Variants in STXBP5L observed in about 807,000 individuals in gnomAD.
STXBP5L encodes syntaxin binding protein 5L.
A neutral mutation model predicts 144.5 loss-of-function variants in STXBP5L; 65 were observed. The ratio of observed to expected loss-of-function variants is 0.45; its 90% confidence interval spans 0.37 to 0.55. The LOEUF (loss-of-function observed/expected upper bound fraction) is 0.55, where lower values mean the gene tolerates loss of function less well. STXBP5L is among the 20% of genes least tolerant of loss of function. The pLI, the probability that STXBP5L is intolerant of heterozygous loss-of-function variation, is 0.00. For synonymous variants in STXBP5L, 505 were observed against 469.6 expected (o/e 1.08, Z -0.97); for missense variants, 1,298 against 1,405.5 (o/e 0.92, Z 1.22).
intron 25 of STXBP5L, among the ~76,000 whole-genome samples, chr3:121,417,194 G>C (rs1410634068): frequency 6.6e-6 from 1 of 152,194 alleles, no homozygotes; most frequent in Admixed American, 6.5e-5. Context: ...GACTGCCAAT[G>C]AGCATGGAGT....
intron 22 of STXBP5L, 89 bp from the exon 23 acceptor site, chr3:121,407,148 CTATAGG>C: frequency 7.0e-7 from 1 of 1,424,780 alleles, no homozygotes; most frequent in Non-Finnish European, 9.4e-7. Context: ...TATTATGACT[CTATAGG>C]TATAAATTAT....
intron 5 of STXBP5L, among the ~76,000 whole-genome samples, chr3:121,111,797 C>A (rs1053975503): frequency 6.6e-6 from 1 of 152,180 alleles, no homozygotes; most frequent in African/African-American, 2.4e-5. Context: ...ATCTGCACTT[C>A]CCAGGTTCTG....
intron 20 of STXBP5L, among the ~76,000 whole-genome samples, chr3:121,361,704 C>T (rs1281689876): frequency 2.0e-5 from 3 of 151,526 alleles, no homozygotes; most frequent in African/African-American, 7.3e-5. Flanking sequence ...TATGTTATCT[C>T]GAATTTTTTT....
chr3:121,006,388 TG>T (rs1157172194), intron 3 of STXBP5L, among the ~76,000 whole-genome samples: 1 of 152,146 alleles, frequency 6.6e-6, no homozygotes, highest in East Asian at 1.9e-4. Context: ...TGCCTTTTTT[TG>T]TTTTCCATTT....
At chr3:121,271,636 C>A (rs339009) in intron 18 of STXBP5L, among the ~76,000 whole-genome samples, 74,294 of 151,970 alleles carry the variant, frequency 0.49, 18,611 homozygotes, top group East Asian at 0.73. Context: ...TTTGAAGTAG[C>A]TTATCAATTT....
chr3:120,927,750 A>G (rs1176818552), intron 2 of STXBP5L, among the ~76,000 whole-genome samples: 1 of 152,178 alleles, frequency 6.6e-6, no homozygotes, highest in Non-Finnish European at 1.5e-5. Context: ...ATTTCTGGTA[A>G]TAATCTCAGT....
At chr3:121,261,941 T>C (rs140745136) in intron 18 of STXBP5L, among the ~76,000 whole-genome samples, 2 of 152,296 alleles carry the variant, frequency 1.3e-5, no homozygotes, top group African/African-American at 2.4e-5. Flanking sequence ...GGCTAGAAAG[T>C]CCAAAATCAA....
intron 20 of STXBP5L, among the ~76,000 whole-genome samples, chr3:121,345,584 A>G (rs1306838034): frequency 6.6e-6 from 1 of 152,092 alleles, no homozygotes; most frequent in Non-Finnish European, 1.5e-5. Flanking sequence ...GGATCACCAC[A>G]CTGTCTTCCA....
intron 9 of STXBP5L, among the ~76,000 whole-genome samples, chr3:121,184,372 G>C (rs2047283766): frequency 1.3e-5 from 2 of 151,656 alleles, no homozygotes; most frequent in South Asian, 4.2e-4. Flanking sequence ...GAACATACAT[G>C]GCCTGATGGA....
chr3:121,130,846 A>G (rs2044950638), intron 7 of STXBP5L, among the ~76,000 whole-genome samples: 1 of 152,156 alleles, frequency 6.6e-6, no homozygotes, highest in Non-Finnish European at 1.5e-5. Flanking sequence ...GTGAACATAT[A>G]AACATCAAAA....
rs144078401 is a variant in STXBP5L, at chr3:121,128,777, G to T, written c.669+7073G>T. ...CCTTGTATGATCAGAAAAAAATTAAGAGTAGTTTAATTTTTGACAGTCACC... is the reference window on the plus strand; with the variant it reads ...CCTTGTATGATCAGAAAAAAATTAATAGTAGTTTAATTTTTGACAGTCACC... On this transcript the variant is annotated intron_variant, in intron 7 of 26. Transcript: ENST00000471454. Among the ~76,000 whole-genome samples, 70 of 152,116 alleles carry T rather than the reference G, an allele frequency of 4.6e-4. 1 individual carries two copies. Among genetic ancestry groups the T allele is most frequent in the African/African-American group, 1.5e-3 (64 of 41,536 alleles).
intron 16 of STXBP5L, among the ~76,000 whole-genome samples, chr3:121,256,828 TA>T (rs2050221920): frequency 6.6e-6 from 1 of 151,466 alleles, no homozygotes; most frequent in South Asian, 2.1e-4. Flanking sequence ...TTGTAATATA[TA>T]AATTGTAATT....
At chr3:121,183,722 A>G (rs1412327090) in intron 9 of STXBP5L, among the ~76,000 whole-genome samples, 2 of 152,130 alleles carry the variant, frequency 1.3e-5, no homozygotes, top group Non-Finnish European at 2.9e-5. Context: ...GCAAGGAAAG[A>G]GAAAGTCTCC....
chr3:121,398,165 A>G (rs2046780106), intron 22 of STXBP5L, among the ~76,000 whole-genome samples: 1 of 152,248 alleles, frequency 6.6e-6, no homozygotes, highest in Non-Finnish European at 1.5e-5. Flanking sequence ...AAGTAGATAT[A>G]ACAATTTGAA....
intron 20 of STXBP5L, among the ~76,000 whole-genome samples, chr3:121,342,498 TC>T (rs2044753458): frequency 2.3e-5 from 2 of 85,296 alleles, no homozygotes; most frequent in African/African-American, 4.5e-5. Context: ...CCTTCCCCCC[TC>T]CCCCCACCCC....
chr3:120,923,524 T>C (rs1040912953), intron 2 of STXBP5L, among the ~76,000 whole-genome samples: 9 of 152,208 alleles, frequency 5.9e-5, no homozygotes, highest in Admixed American at 2.6e-4. Context: ...TAGATTTCAG[T>C]ATATTGTATT....
intron 20 of STXBP5L, among the ~76,000 whole-genome samples, chr3:121,319,383 AT>A (rs2043894777): frequency 6.6e-6 from 1 of 152,176 alleles, no homozygotes; most frequent in African/African-American, 2.4e-5. Flanking sequence ...ACTTGTAGAA[AT>A]TAATTTAGAA....
chr3:121,354,806 G>A (rs1431418451), intron 20 of STXBP5L, among the ~76,000 whole-genome samples: 1 of 152,046 alleles, frequency 6.6e-6, no homozygotes, highest in Non-Finnish European at 1.5e-5. Flanking sequence ...TTACAATTTG[G>A]CATGTTTTTG....
At chr3:121,096,518 G>T (rs13060148) in intron 5 of STXBP5L, among the ~76,000 whole-genome samples, 138 of 152,160 alleles carry the variant, frequency 9.1e-4, no homozygotes, top group Non-Finnish European at 1.8e-3. Context: ...CCTTGATTTT[G>T]GTTACCTTCT....
Sources: gnomAD v4.1 joint callset for allele counts (sites outside exome capture counted in the v4.1 genomes callset) on GRCh38, gnomAD v4.1.1 for gene constraint, MANE v1.5 for transcripts, NCBI Gene and HGNC (gene_info 2026-07-23, HGNC 2026-07-21) for gene names.